Variants in RPL26 observed in about 807,000 individuals in gnomAD.
RPL26 encodes large ribosomal subunit protein uL24.
Under a neutral mutation model 16.2 loss-of-function variants are expected in RPL26, and 1 was observed. The ratio of observed to expected loss-of-function variants is 0.06; its 90% CI spans 0.02 to 0.29. The LOEUF is 0.29. RPL26 is among the 10% of genes least tolerant of loss of function. The pLI is 1.00. For missense variants in RPL26, 102 were observed against 184.3 expected (o/e 0.55, Z 2.58); for synonymous variants, 55 against 62.4 (o/e 0.88, Z 0.56).
intron 3 of RPL26, 200 bp downstream of exon 3, chr17:8,379,596 T>C (rs1907319510): frequency 5.1e-6 from 3 of 589,562 alleles, no homozygotes; most frequent in Admixed American, 3.3e-5. Context: ...AGAAACATAA[T>C]GACCGTTAAC....
At position 8,383,024 on chromosome 17, in the gene RPL26, A is replaced by G. The variant is rs547744162; in HGVS notation, c.-6+133T>C. On this transcript the variant is annotated intron_variant, in intron 1 of 3. Transcript: ENST00000648839. ...CTTGATTTAAGAAAGCAACAGATAA[A>G]AAACCATCCCAGTCTCTCCTTCCTG... is the stretch of plus-strand genomic sequence containing the variant. 1.3e-5 allele frequency: 5 copies of G among 398,498 alleles called. No homozygotes were observed. The South Asian group carries it at 5.1e-4, about 41-fold the overall frequency. The allele number at this position is 398,498 out of a possible 1,614,324, so 24.7% of individuals were successfully genotyped here. A position where few individuals can be genotyped will look rare whatever the true frequency, so the allele number is the denominator to read the frequency against.
intron 2 of RPL26, 101 bp downstream of exon 2, chr17:8,382,042 G>T: frequency 9.6e-7 from 1 of 1,040,178 alleles, no homozygotes; most frequent in Non-Finnish European, 1.5e-6. Context: ...CTCTTTGGGA[G>T]CAAGAGTCTC....
At chr17:8,380,113 A>C in intron 2 of RPL26, 177 bp from the exon 3 acceptor site, 1 of 578,600 alleles carries the variant, frequency 1.7e-6, no homozygotes, top group Non-Finnish European at 3.0e-6. Context: ...TCCATCTCAA[A>C]AGCAGCAACA....
intron 1 of RPL26, 66 bp from the exon 2 acceptor site, chr17:8,382,381 GC>G: frequency 8.6e-7 from 1 of 1,157,580 alleles, no homozygotes; most frequent in Non-Finnish European, 1.3e-6. Context: ...ACAAATAACC[GC>G]AATGATTTTA....
At chr17:8,381,876 C>G (rs1046232956) in intron 2 of RPL26, 7 of 306,340 alleles carry the variant, frequency 2.3e-5, no homozygotes, top group African/African-American at 7.1e-5. Flanking sequence ...TTGCAGTGAG[C>G]TGAGATGGCA....
At chr17:8,380,058 C>CCA in intron 2 of RPL26, 122 bp from the exon 3 acceptor site, 1 of 772,740 alleles carries the variant, frequency 1.3e-6, no homozygotes, top group East Asian at 2.7e-5. Flanking sequence ...AAAAAAGAGC[C>CCA]CACTTCGGCA....
Position 8,382,221 on chromosome 17 carries a change from C to A in RPL26, c.90G>T (p.Met30Ile). 1 of 1,612,650 alleles carries A rather than the reference C, an allele frequency of 6.2e-7. No homozygotes were observed. Among genetic ancestry groups the A allele is most frequent in the Non-Finnish European group, 8.5e-7 (1 of 1,178,626 alleles). The change falls in exon 2 of 4, where the codon ATG (methionine) becomes ATT (isoleucine). Residue 30 changes from methionine (M) to isoleucine (I), a missense_variant. Physicochemically the swap from Met to Ile is conservative, Grantham distance 10. Transcript: ENST00000648839. Reference protein sequence around the residue: ...NAPSHIRRKIMSSPLSKELRQ... With the variant: ...NAPSHIRRKIISSPLSKELRQ... ...TCAGCTCTTTGGAAAGAGGGGAAGA[C>A]ATAATCTTCCTTCGAATGTGGGAAG...
Position 8,377,807 on chromosome 17 carries a change from GAA to G in RPL26, c.310-117_310-116del. 3.3e-6 allele frequency: 3 copies of G among 901,242 alleles called. No homozygotes were observed. The South Asian group carries it at 7.3e-5, about 22-fold the overall frequency. 55.8% of individuals were successfully genotyped at this position (901,242 alleles called of 1,614,324 possible). ...CCTGGGGTAGGTGGATGCCTAATAA[GAA>G]AAGATTTTAACTTTTAAAAAACTCC... On this transcript the variant is annotated intron_variant, in intron 3 of 3. Transcript: ENST00000648839.
chr17:8,382,578 C>T (rs1163176050), intron 1 of RPL26: 1 of 404,682 alleles, frequency 2.5e-6, no homozygotes, highest in South Asian at 2.9e-5. Context: ...GTTATAAGAC[C>T]TTTTAGTTAC....
rs1907474471 is a variant in RPL26, at chr17:8,382,590, C to T, written c.-5-275G>A. On this transcript the variant is annotated intron_variant, in intron 1 of 3. Coordinates refer to ENST00000648839, the MANE Select transcript of RPL26 (RefSeq NM_000987.5). ...CTAGTTATAAGACCTTTTAGTTACA[C>T]TCTCCCAACTCCTCAAGTAGTGCCT... 4 of 388,886 alleles carry T rather than the reference C, an allele frequency of 1.0e-5. No individual in the cohort carries two copies. In the East Asian group the frequency reaches 2.3e-4, roughly 22 times the overall value. The allele number at this position is 388,886 out of a possible 1,614,324, so 24.1% of individuals were successfully genotyped here. A position where few individuals can be genotyped will look rare whatever the true frequency, so the allele number is the denominator to read the frequency against.
chr17:8,380,092 G>A (rs1907343101), intron 2 of RPL26, 156 bp from the exon 3 acceptor site: 1 of 604,894 alleles, frequency 1.7e-6, no homozygotes, highest in South Asian at 2.3e-5. Context: ...TGACAACAAG[G>A]AATCTGTTAC....
intron 2 of RPL26, 175 bp from the exon 3 acceptor site, chr17:8,380,111 A>C (rs752019543): frequency 1.0e-5 from 6 of 582,602 alleles, no homozygotes; most frequent in Non-Finnish European, 1.8e-5. Flanking sequence ...ACTCCATCTC[A>C]AAAGCAGCAA....
intron 2 of RPL26, 23 bp downstream of exon 2, chr17:8,382,120 C>G (rs1332991428): frequency 6.2e-7 from 1 of 1,602,632 alleles, no homozygotes. Flanking sequence ...ATCAAGACAA[C>G]GAGAACAAGT....
intron 3 of RPL26, 37 bp downstream of exon 3, chr17:8,379,759 T>C (rs1281818989): frequency 1.3e-6 from 2 of 1,592,710 alleles, no homozygotes; most frequent in South Asian, 2.2e-5. Context: ...ATAATTGCCA[T>C]AATTTCCTTC....
At chr17:8,377,952 T>C (rs543894594) in intron 3 of RPL26, among the ~76,000 whole-genome samples, 1 of 152,346 alleles carries the variant, frequency 6.6e-6, no homozygotes, top group African/African-American at 2.4e-5. Flanking sequence ...ATTATAAGAT[T>C]TGTTTCTTTT....
At chr17:8,382,045 A>G (rs1907441010) in intron 2 of RPL26, 98 bp downstream of exon 2, 2 of 1,071,332 alleles carry the variant, frequency 1.9e-6, no homozygotes, top group Admixed American at 2.1e-5. Flanking sequence ...TTTGGGAGCA[A>G]GAGTCTCAGA....
At chr17:8,377,921 T>C (rs2030135897) in intron 3 of RPL26, among the ~76,000 whole-genome samples, 1 of 152,272 alleles carries the variant, frequency 6.6e-6, no homozygotes, top group African/African-American at 2.4e-5. Flanking sequence ...TCAGTAATTC[T>C]TAAAGCCTCT....
intron 1 of RPL26, 24 bp from the exon 2 acceptor site, chr17:8,382,339 C>T (rs775167545): frequency 1.9e-6 from 3 of 1,542,904 alleles, no homozygotes; most frequent in South Asian, 2.3e-5. Context: ...TAAAAAGACT[C>T]TTAAATGACC....
intron 2 of RPL26, 145 bp downstream of exon 2, chr17:8,381,998 T>C (rs1907438719): frequency 1.5e-6 from 1 of 659,688 alleles, no homozygotes. Flanking sequence ...GCTTACTTAC[T>C]GTTTTTTGGT....
Sources: gnomAD v4.1 joint callset for allele counts (sites outside exome capture counted in the v4.1 genomes callset) on GRCh38, gnomAD v4.1.1 for gene constraint, MANE v1.5 for transcripts, NCBI Gene and HGNC (gene_info 2026-07-23, HGNC 2026-07-21) for gene names.